SPAG16: variants seen among roughly 807,000 people sequenced by gnomAD.
SPAG16 encodes sperm-associated antigen 16 protein.
Under a neutral mutation model 80.4 loss-of-function variants are expected in SPAG16, and 86 were observed. That is an observed-to-expected ratio of 1.07 (90% CI 0.90 to 1.28). SPAG16 has a LOEUF of 1.28. Ranked by LOEUF, SPAG16 falls within the 50% of genes most tolerant of loss-of-function variation. The probability of loss-of-function intolerance (pLI) is 0.00; values close to 1 mark genes in which losing one functional copy is unlikely to be tolerated. For missense variants in SPAG16, 870 were observed against 765.3 expected (o/e 1.14, Z -1.61); for synonymous variants, 294 against 265.9 (o/e 1.11, Z -1.03).
chr2:213,735,454 G>A (rs2067240337), intron 10 of SPAG16, among the ~76,000 whole-genome samples: 1 of 152,166 alleles, frequency 6.6e-6, no homozygotes, highest in Non-Finnish European at 1.5e-5. Context: ...GAATGTTACT[G>A]AGTGTCAGGT....
At chr2:213,801,681 A>G (rs1354907077) in intron 10 of SPAG16, among the ~76,000 whole-genome samples, 1 of 152,238 alleles carries the variant, frequency 6.6e-6, no homozygotes, top group African/African-American at 2.4e-5. Flanking sequence ...GCACAATGGT[A>G]GGAACAGAGA....
At chr2:214,337,799 A>G (rs558682044) in intron 15 of SPAG16, among the ~76,000 whole-genome samples, 4 of 152,332 alleles carry the variant, frequency 2.6e-5, no homozygotes, top group South Asian at 4.1e-4. Context: ...CCTAAAACTC[A>G]GGGCTTCCTT....
At chr2:214,282,909 C>T (rs1473036561) in intron 15 of SPAG16, among the ~76,000 whole-genome samples, 1 of 151,966 alleles carries the variant, frequency 6.6e-6, no homozygotes, top group Non-Finnish European at 1.5e-5. Context: ...GTGGAAGAAG[C>T]CTTTACCTTC....
chr2:213,676,043 G>T lies in SPAG16; in HGVS notation c.1070+185953G>T, dbSNP rs1160447618. 3.3e-5 allele frequency among the ~76,000 whole-genome samples: 5 copies of T among 152,198 alleles called. No individual in the cohort carries two copies. In the East Asian group the frequency reaches 7.7e-4, roughly 23 times the overall value. ...GCATGGAATGTTCTTCCATTTGTTT[G>T]TATCCTCTTTTATTTCACTGAGCAG... is the stretch of plus-strand genomic sequence containing the variant. On this transcript the variant is annotated intron_variant, in intron 10 of 15. Coordinates refer to ENST00000331683, the MANE Select transcript of SPAG16 (RefSeq NM_024532.5).
chr2:213,336,608 G>A lies in SPAG16; in HGVS notation c.537-3555G>A, dbSNP rs143916986. ...GAGCAATTCCCCACAGCGCAGCACA[G>A]CAGCTGTGTCAGTTCATGGCTAGAC... On this transcript the variant is annotated intron_variant, in intron 5 of 15. Coordinates refer to ENST00000331683, the MANE Select transcript of SPAG16 (RefSeq NM_024532.5). Among the ~76,000 whole-genome samples, 311 of 152,312 alleles carry A rather than the reference G, an allele frequency of 2.0e-3. 2 individuals carry two copies. Among genetic ancestry groups the A allele is most frequent in the African/African-American group, 7.3e-3 (303 of 41,556 alleles).
intron 10 of SPAG16, among the ~76,000 whole-genome samples, chr2:213,696,992 A>G (rs765316101): frequency 6.6e-6 from 1 of 152,178 alleles, no homozygotes; most frequent in Non-Finnish European, 1.5e-5. Context: ...ATGTAGGAGG[A>G]AGAGGATACT....
At chr2:214,251,425 T>C (rs75070093) in intron 15 of SPAG16, among the ~76,000 whole-genome samples, 3,258 of 152,210 alleles carry the variant, frequency 0.021, 76 homozygotes, top group African/African-American at 0.055. Context: ...CAAAAATGAA[T>C]ATTTCTTAAA....
intron 12 of SPAG16, among the ~76,000 whole-genome samples, chr2:213,955,872 T>A (rs2044094950): frequency 6.6e-6 from 1 of 151,956 alleles, no homozygotes; most frequent in Non-Finnish European, 1.5e-5. Context: ...GTAATTTGAG[T>A]TTTTTCTCTT....
At chr2:214,225,603 G>C (rs542028892) in intron 15 of SPAG16, among the ~76,000 whole-genome samples, 35 of 152,024 alleles carry the variant, frequency 2.3e-4, no homozygotes, top group Admixed American at 7.9e-4. Flanking sequence ...AATCACAAAG[G>C]CTTCTTCAAC....
intron 10 of SPAG16, among the ~76,000 whole-genome samples, chr2:213,768,277 A>G (rs748810749): frequency 1.5e-4 from 23 of 152,190 alleles, no homozygotes; most frequent in East Asian, 5.8e-4. Flanking sequence ...TTTCTAAGCT[A>G]TATTATAGGA....
rs530343209 is a variant in SPAG16 at position 213,891,604 on chromosome 2, C to A, written c.1214+28976C>A. Among the ~76,000 whole-genome samples the A allele has an allele frequency of 6.6e-5, 10 of 152,134 alleles. No homozygotes were observed. In the South Asian group the frequency reaches 2.1e-3, roughly 32 times the overall value. ...TACAATCATAGGAGGCTTCCAGTTCCAAAATTGTGATGTAGATGGAACCTG... is the reference window on the plus strand; with the variant it reads ...TACAATCATAGGAGGCTTCCAGTTCAAAAATTGTGATGTAGATGGAACCTG... On this transcript the variant is annotated intron_variant, in intron 11 of 15. Transcript: ENST00000331683.
intron 14 of SPAG16, among the ~76,000 whole-genome samples, chr2:214,128,635 A>G (rs1291601725): frequency 2.0e-5 from 3 of 151,884 alleles, no homozygotes; most frequent in Admixed American, 6.7e-5. Context: ...ACGGATTTCA[A>G]TTCAACCAGA....
At chr2:214,066,257 T>C (rs149006725) in intron 13 of SPAG16, among the ~76,000 whole-genome samples, 225 of 152,228 alleles carry the variant, frequency 1.5e-3, no homozygotes, top group African/African-American at 5.0e-3. Context: ...CAAACCTGAA[T>C]TGCAATCATA....
chr2:213,952,886 T>C (rs1263009649), intron 12 of SPAG16, among the ~76,000 whole-genome samples: 1 of 152,116 alleles, frequency 6.6e-6, no homozygotes, highest in Non-Finnish European at 1.5e-5. Context: ...TCATTTCTTA[T>C]GTGTAAGTAG....
intron 10 of SPAG16, among the ~76,000 whole-genome samples, chr2:213,768,194 TA>T (rs1012740316): frequency 6.6e-6 from 1 of 152,144 alleles, no homozygotes; most frequent in African/African-American, 2.4e-5. Flanking sequence ...GGTTTGAGCA[TA>T]AAGTATTGGG....
At chr2:213,509,035 C>G (rs1454539913) in intron 10 of SPAG16, among the ~76,000 whole-genome samples, 1 of 149,928 alleles carries the variant, frequency 6.7e-6, no homozygotes, top group African/African-American at 2.5e-5. Flanking sequence ...CTCACTCTTT[C>G]ACCCAGGCTG....
chr2:213,921,258 T>C (rs1371868105), intron 11 of SPAG16, among the ~76,000 whole-genome samples: 2 of 152,220 alleles, frequency 1.3e-5, no homozygotes, highest in African/African-American at 4.8e-5. Flanking sequence ...CTATTGCCAT[T>C]ATATAGTGCT....
chr2:213,939,026 A>G (rs1439514898), intron 12 of SPAG16, among the ~76,000 whole-genome samples: 1 of 152,162 alleles, frequency 6.6e-6, no homozygotes, highest in African/African-American at 2.4e-5. Flanking sequence ...TACCATCTTC[A>G]GTCAAGGAAC....
intron 12 of SPAG16, among the ~76,000 whole-genome samples, chr2:213,937,673 C>G (rs2079044079): frequency 6.6e-6 from 1 of 151,862 alleles, no homozygotes; most frequent in African/African-American, 2.4e-5. Context: ...CCCAAAAGTG[C>G]ATAATTAATA....
Sources: gnomAD v4.1 joint callset for allele counts (sites outside exome capture counted in the v4.1 genomes callset) on GRCh38, gnomAD v4.1.1 for gene constraint, MANE v1.5 for transcripts, NCBI Gene and HGNC (gene_info 2026-07-23, HGNC 2026-07-21) for gene names.